The following ADAMTS14 variants were observed in gnomAD, a reference collection of about 807,000 sequenced individuals.
ADAMTS14 encodes the protein ADAM metallopeptidase with thrombospondin type 1 motif 14, also known as A disintegrin and metalloproteinase with thrombospondin motifs 14.
ADAMTS14 carries 100 observed loss-of-function variants against 128.6 expected under a neutral mutation model. The ratio of observed to expected loss-of-function variants is 0.78; its 90% confidence interval spans 0.66 to 0.92. The LOEUF is 0.92. ADAMTS14 is among the 40% of genes least tolerant of loss of function. ADAMTS14 has a pLI of 0.00. For missense variants in ADAMTS14, 1,562 were observed against 1,658.6 expected (o/e 0.94, Z 1.01); for synonymous variants, 665 against 653.8 (o/e 1.02, Z -0.26).
intron 4 of ADAMTS14, among the ~76,000 whole-genome samples, chr10:70,719,342 C>T (rs1031333066): frequency 4.0e-5 from 6 of 150,786 alleles, no homozygotes; most frequent in Non-Finnish European, 5.9e-5. Context: ...CTTTTGCTTT[C>T]GTGGACAGCA....
intron 4 of ADAMTS14, among the ~76,000 whole-genome samples, chr10:70,723,021 C>A (rs1390809840): frequency 2.0e-5 from 3 of 152,170 alleles, no homozygotes; most frequent in Non-Finnish European, 2.9e-5. Context: ...GACAAACACT[C>A]CCTCAGCTGG....
intron 15 of ADAMTS14, 63 bp from the exon 16 acceptor site, chr10:70,749,759 T>C: frequency 6.4e-7 from 1 of 1,562,844 alleles, no homozygotes; most frequent in South Asian, 1.2e-5. Flanking sequence ...AATTTCATAT[T>C]CATGGCCCGC....
chr10:70,729,412 G>A, intron 5 of ADAMTS14, 35 bp downstream of exon 5: 1 of 1,569,638 alleles, frequency 6.4e-7, no homozygotes, highest in Non-Finnish European at 8.8e-7. Context: ...GGTTTGCGGG[G>A]AGAAGGGTTG....
At chr10:70,750,652 C>G (rs1345624315) in intron 16 of ADAMTS14, among the ~76,000 whole-genome samples, 2 of 152,206 alleles carry the variant, frequency 1.3e-5, no homozygotes, top group African/African-American at 2.4e-5. Flanking sequence ...TCAATTCAAT[C>G]CAGCATATAC....
At chr10:70,685,139 G>A (rs1339065471) in intron 2 of ADAMTS14, among the ~76,000 whole-genome samples, 1 of 152,182 alleles carries the variant, frequency 6.6e-6, no homozygotes, top group Non-Finnish European at 1.5e-5. Flanking sequence ...TGAGAGTGAT[G>A]GGGGCTGTGC....
intron 3 of ADAMTS14, among the ~76,000 whole-genome samples, chr10:70,707,703 C>T (rs1166624383): frequency 6.6e-6 from 1 of 152,194 alleles, no homozygotes. Flanking sequence ...AATGTGTTCA[C>T]CTGTGTAATG....
intron 3 of ADAMTS14, among the ~76,000 whole-genome samples, chr10:70,704,696 C>A (rs1439497168): frequency 6.8e-6 from 1 of 146,726 alleles, no homozygotes; most frequent in South Asian, 2.2e-4. Flanking sequence ...CACACACCCC[C>A]TACACCCACA....
At chr10:70,689,297 C>A (rs1321260769) in intron 2 of ADAMTS14, among the ~76,000 whole-genome samples, 1 of 144,890 alleles carries the variant, frequency 6.9e-6, no homozygotes, top group African/African-American at 2.4e-5. Context: ...AGCATGGTTT[C>A]ATTCCAAAGT....
chr10:70,681,652 T>C (rs957875727), intron 2 of ADAMTS14, among the ~76,000 whole-genome samples: 1 of 152,200 alleles, frequency 6.6e-6, no homozygotes, highest in Non-Finnish European at 1.5e-5. Context: ...CTTGACTGGC[T>C]GGATGAGTGA....
chr10:70,760,299 C>G (rs200762484), intron 21 of ADAMTS14, 61 bp from the exon 22 acceptor site: 4 of 1,500,416 alleles, frequency 2.7e-6, no homozygotes, highest in Non-Finnish European at 3.5e-6. Context: ...GGAGGGGGGG[C>G]CACCTGACTG....
At chr10:70,758,374 A>G in intron 21 of ADAMTS14, 89 bp downstream of exon 21, 1 of 1,163,926 alleles carries the variant, frequency 8.6e-7, no homozygotes. Context: ...GAGCAAACCC[A>G]GCTTGTAGCT....
rs138720812 is a variant in ADAMTS14, at chr10:70,745,303, A to C, written c.2260A>C (p.Ile754Leu). 21 of 1,612,336 alleles carry C rather than the reference A, an allele frequency of 1.3e-5. No individual in the cohort carries two copies. Among genetic ancestry groups the C allele is most frequent in the Non-Finnish European group, 1.6e-5 (19 of 1,179,964 alleles). Residue 754 changes from isoleucine (I) to leucine (L), a missense_variant, in exon 15 of 22, where the codon ATT (isoleucine) becomes CTT (leucine). Ile to Leu is a conservative substitution (Grantham distance 5, BLOSUM62 2). Transcript: ENST00000373207. Reference sequence around the variant, plus strand: ...GGCACTGGAGAAGTCCCCCCACCGCATTGGTGAGTGCTGGGGTGCTGGGAG... The same window carrying C: ...GGCACTGGAGAAGTCCCCCCACCGCCTTGGTGAGTGCTGGGGTGCTGGGAG... ...IEALEKSPHR[I>L]VVKNQVTGSF...
chr10:70,732,257 A>G lies in ADAMTS14; in HGVS notation c.1106A>G (p.Tyr369Cys), dbSNP rs1202306406. The G allele has an allele frequency of 1.9e-6, 3 of 1,613,970 alleles. No homozygotes were observed. The highest frequency in any genetic ancestry group is 2.5e-6 in the Non-Finnish European group (3 of 1,179,864). Reference protein sequence around the residue: ...LTRQDFGPSGYAPVTGMCHPL... With the variant: ...LTRQDFGPSGCAPVTGMCHPL... Reference sequence around the variant, plus strand: ...CTTTTCTTTCTCTCTTCGGCAGGGTATGCACCCGTCACTGGCATGTGTCAC... The same window carrying G: ...CTTTTCTTTCTCTCTTCGGCAGGGTGTGCACCCGTCACTGGCATGTGTCAC... Residue 369 changes from tyrosine (Y) to cysteine (C), a missense_variant, in exon 7 of 22, where the codon TAT (tyrosine) becomes TGT (cysteine). By Grantham distance (194) the Tyr-to-Cys change is radical (BLOSUM62 -2). Coordinates refer to ENST00000373207, the MANE Select transcript of ADAMTS14 (RefSeq NM_080722.4).
intron 6 of ADAMTS14, 47 bp downstream of exon 6, chr10:70,730,296 A>G: frequency 1.3e-6 from 2 of 1,583,586 alleles, no homozygotes; most frequent in South Asian, 2.3e-5. Context: ...TGCAGCATGC[A>G]CGGCAGACAG....
At chr10:70,708,037 A>G (rs1340710644) in intron 3 of ADAMTS14, among the ~76,000 whole-genome samples, 2 of 152,228 alleles carry the variant, frequency 1.3e-5, no homozygotes, top group African/African-American at 4.8e-5. Flanking sequence ...GCTTTTAGCC[A>G]AAAGGGCAGA....
chr10:70,732,327 A>G lies in ADAMTS14; in HGVS notation c.1176A>G (p.Ser392=), dbSNP rs1841670015. Residue 392 remains serine, a synonymous_variant, in exon 7 of 22, where the codon TCA becomes TCG. Transcript: ENST00000373207. ...TCAACCATGAGGATGGCTTCTCCTC[A>G]GCCTTCGTGATAGCTCATGAGACCG... is the stretch of plus-strand genomic sequence containing the variant. ...CALNHEDGFS[S]AFVIAHETGH... 6.2e-7 allele frequency: 1 copy of G among 1,614,164 alleles called. No individual in the cohort carries two copies.
At chr10:70,687,349 T>C (rs1589262789) in intron 2 of ADAMTS14, among the ~76,000 whole-genome samples, 2 of 71,506 alleles carry the variant, frequency 2.8e-5, no homozygotes, top group African/African-American at 4.6e-5. Context: ...CCCCCCCACC[T>C]CCCTCCCGGA....
intron 4 of ADAMTS14, among the ~76,000 whole-genome samples, chr10:70,715,962 G>C (rs1040813988): frequency 6.6e-6 from 1 of 152,158 alleles, no homozygotes; most frequent in African/African-American, 2.4e-5. Flanking sequence ...TTGGAGGAAG[G>C]CAGGCTCAGT....
rs755599346 is a variant in ADAMTS14, at chr10:70,708,666, A to G, written c.758A>G (p.His253Arg). The stretch of plus-strand genomic sequence containing the variant: ...GGCGACACAGAGCGGAAGCGGCGGC[A>G]TGCCAAGCCAGGCAGCTACAGCATC... Reference protein sequence around the residue: ...QLGDTERKRRHAKPGSYSIEV... With the variant: ...QLGDTERKRRRAKPGSYSIEV... Residue 253 changes from histidine (H) to arginine (R), a missense_variant, in exon 4 of 22, where the codon CAT becomes CGT. By Grantham distance (29) the His-to-Arg change is conservative. Transcript: ENST00000373207. 1 of 1,613,450 alleles carries G rather than the reference A, an allele frequency of 6.2e-7. No individual in the cohort carries two copies. Among genetic ancestry groups the G allele is most frequent in the East Asian group, 2.2e-5 (1 of 44,800 alleles).
Sources: gnomAD v4.1 joint callset for allele counts (sites outside exome capture counted in the v4.1 genomes callset) on GRCh38, gnomAD v4.1.1 for gene constraint, MANE v1.5 for transcripts, NCBI Gene and HGNC (gene_info 2026-07-23, HGNC 2026-07-21) for gene names.